The following RB1CC1 variants were observed in gnomAD, a reference collection of about 807,000 sequenced individuals.
The protein encoded by RB1CC1 is RB1 inducible coiled-coil 1.
Under a neutral mutation model 177.5 loss-of-function variants are expected in RB1CC1, and 46 were observed. The ratio of observed to expected loss-of-function variants is 0.26; its 90% confidence interval spans 0.20 to 0.33. The LOEUF is 0.33. RB1CC1 is among the 10% of genes least tolerant of loss of function. The pLI, the probability that RB1CC1 is intolerant of heterozygous loss-of-function variation, is 1.00. For synonymous variants in RB1CC1, 666 were observed against 613.6 expected (o/e 1.09, Z -1.26); for missense variants, 1,703 against 1,816.3 (o/e 0.94, Z 1.13).
intron 4 of RB1CC1, 63 bp from the exon 5 acceptor site, chr8:52,683,782 T>C (rs896227229): frequency 2.1e-5 from 32 of 1,559,490 alleles, no homozygotes; most frequent in East Asian, 4.5e-5. Context: ...AGCGTGCACA[T>C]TGCCTTCAAT....
chr8:52,689,466 G>A (rs1156441220), intron 1 of RB1CC1, among the ~76,000 whole-genome samples: 3 of 152,090 alleles, frequency 2.0e-5, no homozygotes, highest in South Asian at 2.1e-4. Context: ...CTACATGCTA[G>A]GTAGGTTGAT....
chr8:52,646,140 G>A (rs1420060182), intron 15 of RB1CC1, among the ~76,000 whole-genome samples: 1 of 152,068 alleles, frequency 6.6e-6, no homozygotes, highest in East Asian at 1.9e-4. Context: ...TAAAAATCAA[G>A]AGGCTGCTCT....
chr8:52,634,458 G>A (rs1013540788), intron 20 of RB1CC1, among the ~76,000 whole-genome samples: 1 of 151,688 alleles, frequency 6.6e-6, no homozygotes, highest in Non-Finnish European at 1.5e-5. Context: ...CCCGGGAGGT[G>A]GAGGTTGCAG....
At chr8:52,683,399 A>G in intron 5 of RB1CC1, 150 bp downstream of exon 5, 1 of 664,750 alleles carries the variant, frequency 1.5e-6, no homozygotes, top group African/African-American at 1.9e-5. Context: ...ATGACCCAGA[A>G]ATTTTAAAAC....
chr8:52,710,962 G>A (rs1420318602), intron 1 of RB1CC1, among the ~76,000 whole-genome samples: 1 of 152,090 alleles, frequency 6.6e-6, no homozygotes, highest in African/African-American at 2.4e-5. Flanking sequence ...ATAATGTGTG[G>A]AATGTGAAGG....
In RB1CC1 at chr8:52,658,905, T is replaced by C. The variant is rs940506185; in HGVS notation, c.1761A>G (p.Ser587=). Residue 587 remains serine, a synonymous_variant, in exon 13 of 24, where the codon TCA becomes TCG. Coordinates refer to ENST00000025008, the MANE Select transcript of RB1CC1 (RefSeq NM_014781.5). ...ISLKDLQFLQ[S]FCPSEVQPFL... is the part of the protein sequence containing the mutation. ...ATGGCTGAACTTCCGAAGGACAAAA[T>C]GATTGCAGAAACTGTAAATCTTTTA... The C allele has an allele frequency of 6.3e-7, 1 of 1,587,550 alleles. No individual in the cohort carries two copies.
At chr8:52,660,464 C>T in intron 12 of RB1CC1, 132 bp downstream of exon 12, 1 of 863,312 alleles carries the variant, frequency 1.2e-6, no homozygotes. Flanking sequence ...GCTTTTAAAG[C>T]CAAAAACACT....
chr8:52,676,636 T>C (rs1329096833), intron 5 of RB1CC1, 65 bp from the exon 6 acceptor site: 3 of 1,426,486 alleles, frequency 2.1e-6, no homozygotes, highest in African/African-American at 2.9e-5. Flanking sequence ...GAAGTTTGCA[T>C]ATGTTTACAA....
At chr8:52,653,060 A>AAAAC (rs1489900379) in intron 15 of RB1CC1, among the ~76,000 whole-genome samples, 4 of 152,184 alleles carry the variant, frequency 2.6e-5, no homozygotes, top group Admixed American at 2.6e-4. Flanking sequence ...TCCGTCTCAA[A>AAAAC]AAACAAACAA....
intron 1 of RB1CC1, among the ~76,000 whole-genome samples, chr8:52,703,152 T>C (rs1337747817): frequency 3.3e-5 from 5 of 152,150 alleles, no homozygotes; most frequent in Non-Finnish European, 5.9e-5. Context: ...GTTTAATATA[T>C]TTTAACATCA....
intron 18 of RB1CC1, among the ~76,000 whole-genome samples, chr8:52,639,431 G>C (rs1849401309): frequency 6.6e-6 from 1 of 152,108 alleles, no homozygotes; most frequent in Non-Finnish European, 1.5e-5. Flanking sequence ...TTAGGTCTTT[G>C]TGGTTTGTAA....
At chr8:52,671,784 G>C (rs1037627611) in intron 7 of RB1CC1, among the ~76,000 whole-genome samples, 2 of 152,076 alleles carry the variant, frequency 1.3e-5, no homozygotes, top group Non-Finnish European at 2.9e-5. Context: ...TGTATGCCAT[G>C]GTGGTTTGCT....
chr8:52,653,383 A>C (rs1486986382), intron 15 of RB1CC1, among the ~76,000 whole-genome samples: 1 of 152,210 alleles, frequency 6.6e-6, no homozygotes, highest in Non-Finnish European at 1.5e-5. Context: ...CAACAGAGCC[A>C]GAGCAGTAAT....
At chr8:52,699,860 C>T (rs1251001238) in intron 1 of RB1CC1, among the ~76,000 whole-genome samples, 302 of 70,788 alleles carry the variant, frequency 4.3e-3, no homozygotes, top group Non-Finnish European at 6.9e-3. Context: ...TATATATATA[C>T]ACACAAAAAC....
chr8:52,689,788 T>C (rs547315143), intron 1 of RB1CC1, among the ~76,000 whole-genome samples: 1 of 152,136 alleles, frequency 6.6e-6, no homozygotes, highest in Non-Finnish European at 1.5e-5. Flanking sequence ...CTGCCTGCTA[T>C]GATCACCCCT....
In RB1CC1 at chr8:52,661,330, CTTAG is replaced by C. The variant is rs1310766407; in HGVS notation, c.1359-53_1359-50del. 5 of 1,588,116 alleles carry C rather than the reference CTTAG, an allele frequency of 3.1e-6. No homozygotes were observed. In the African/African-American group the frequency reaches 4.1e-5, roughly 13 times the overall value. On this transcript the variant is annotated intron_variant, in intron 9 of 23. Coordinates refer to ENST00000025008, the MANE Select transcript of RB1CC1 (RefSeq NM_014781.5). ...TCAACATTCACAAAACTGGTACTAA[CTTAG>C]TTACTTACTTAGTAAGCTTACTAAC...
At chr8:52,682,245 G>A (rs945591880) in intron 5 of RB1CC1, among the ~76,000 whole-genome samples, 3 of 152,114 alleles carry the variant, frequency 2.0e-5, no homozygotes, top group Non-Finnish European at 4.4e-5. Context: ...GCTGGATTTC[G>A]AACTTGCATG....
chr8:52,626,884 C>T (rs112563486), intron 22 of RB1CC1, among the ~76,000 whole-genome samples: 26 of 152,118 alleles, frequency 1.7e-4, no homozygotes, highest in East Asian at 7.7e-4. Flanking sequence ...CCTGCCTCTA[C>T]AAAACAAAAC....
At chr8:52,661,379 C>G in intron 9 of RB1CC1, 98 bp from the exon 10 acceptor site, 1 of 1,498,556 alleles carries the variant, frequency 6.7e-7, no homozygotes, top group Non-Finnish European at 9.0e-7. Flanking sequence ...CCAAAGAAAT[C>G]AAGATATATA....
Sources: allele counts gnomAD v4.1 joint callset (sites outside exome capture counted in the v4.1 genomes callset), GRCh38; gene constraint gnomAD v4.1.1; transcripts MANE v1.5; gene names NCBI Gene and HGNC (gene_info 2026-07-23, HGNC 2026-07-21).